Variants in RNF185 observed in about 807,000 individuals in gnomAD.
RNF185 encodes the protein E3 ubiquitin-protein ligase RNF185.
In RNF185, 13 loss-of-function variants were observed where a neutral mutation model predicts 24.9. That is an observed-to-expected ratio of 0.52 (90% CI 0.34 to 0.83). RNF185 has a LOEUF of 0.83. Among genes scored for constraint, RNF185 ranks in the 40% least tolerant of loss-of-function variants. RNF185 has a pLI of 0.01. For missense variants in RNF185, 184 were observed against 244.7 expected (o/e 0.75, Z 1.65); for synonymous variants, 79 against 90.3 (o/e 0.88, Z 0.71).
rs188400777 is a variant in RNF185 at position 31,164,645 on chromosome 22, G to A, written c.-49+4342G>A. Among the ~76,000 whole-genome samples the A allele has an allele frequency of 2.8e-5, 4 of 143,414 alleles. No individual in the cohort carries two copies. The East Asian group carries it at 9.1e-4, about 33-fold the overall frequency. 94.1% of individuals were successfully genotyped at this position (143,414 alleles called of 152,430 possible). A position where few individuals can be genotyped will look rare whatever the true frequency, so the allele number is the denominator to read the frequency against. On this transcript the variant is annotated intron_variant, in intron 1 of 6. Coordinates refer to ENST00000326132, the MANE Select transcript of RNF185 (RefSeq NM_152267.4). ...ACCCTGTCACCCAGGCTGGAATACA[G>A]TGGCATGATCTCAGCTAACTGCAAC...
At chr22:31,199,916 A>G (rs774048316) in intron 5 of RNF185, among the ~76,000 whole-genome samples, 1 of 152,236 alleles carries the variant, frequency 6.6e-6, no homozygotes, top group Non-Finnish European at 1.5e-5. Flanking sequence ...CAAAAAACTC[A>G]TAAATGAAGG....
intron 1 of RNF185, among the ~76,000 whole-genome samples, chr22:31,180,911 CTCTCTGTG>C (rs59516871): frequency 0.034 from 4,245 of 124,366 alleles, 141 homozygotes; most frequent in East Asian, 0.11. Flanking sequence ...TTTTCTCTCT[CTCTCTGTG>C]TGTGTGTGTG....
chr22:31,190,313 G>T (rs1602837898), intron 2 of RNF185, among the ~76,000 whole-genome samples: 1 of 152,076 alleles, frequency 6.6e-6, no homozygotes. Context: ...TTTTTGAGGA[G>T]TCTCACTCTG....
intron 1 of RNF185, among the ~76,000 whole-genome samples, chr22:31,167,164 T>C (rs906362936): frequency 6.6e-6 from 1 of 152,172 alleles, no homozygotes; most frequent in Admixed American, 6.5e-5. Context: ...TTTACTGTTT[T>C]AACTAATTTT....
intron 5 of RNF185, among the ~76,000 whole-genome samples, chr22:31,200,722 G>C (rs1044602333): frequency 6.6e-6 from 1 of 152,346 alleles, no homozygotes; most frequent in East Asian, 1.9e-4. Context: ...TGGCTGCGAA[G>C]TGGGAAGGTG....
At chr22:31,176,678 C>T (rs937416472) in intron 1 of RNF185, among the ~76,000 whole-genome samples, 2 of 151,272 alleles carry the variant, frequency 1.3e-5, no homozygotes, top group East Asian at 2.0e-4. Context: ...TTAGTAGAGA[C>T]GGGGTTTCAC....
chr22:31,179,104 C>CT (rs1389875899), intron 1 of RNF185, among the ~76,000 whole-genome samples: 1 of 152,162 alleles, frequency 6.6e-6, no homozygotes, highest in Non-Finnish European at 1.5e-5. Flanking sequence ...AAAGAATGGT[C>CT]AGGGTAGGGA....
intron 2 of RNF185, among the ~76,000 whole-genome samples, chr22:31,188,543 A>T (rs892573302): frequency 6.6e-6 from 1 of 152,178 alleles, no homozygotes; most frequent in Non-Finnish European, 1.5e-5. Flanking sequence ...TACAGCTATT[A>T]TGGCTGGGCT....
At chr22:31,188,145 G>A (rs2048118290) in intron 2 of RNF185, among the ~76,000 whole-genome samples, 1 of 152,086 alleles carries the variant, frequency 6.6e-6, no homozygotes, top group Non-Finnish European at 1.5e-5. Context: ...GAAAAATAAT[G>A]GTTACAGTAG....
rs1208518303 is a variant in RNF185, at chr22:31,206,029, G to A, written c.*1443G>A. ...GGAGACCCCAAAGCTGGAGGGAGAT[G>A]GGCTTTCCTCTGGGCCTCTCTCCTA... On this transcript the variant is annotated 3_prime_UTR_variant, in exon 7 of 7. Transcript: ENST00000326132. 1.3e-5 allele frequency: 2 copies of A among 154,676 alleles called. No homozygotes were observed. The highest frequency in any genetic ancestry group is 2.4e-5 in the African/African-American group (1 of 41,520). 9.6% of individuals were successfully genotyped at this position (154,676 alleles called of 1,614,324 possible). A position where few individuals can be genotyped will look rare whatever the true frequency, so the allele number is the denominator to read the frequency against.
intron 1 of RNF185, among the ~76,000 whole-genome samples, chr22:31,173,762 T>G (rs2047954999): frequency 1.3e-5 from 2 of 152,166 alleles, no homozygotes; most frequent in Admixed American, 1.3e-4. Flanking sequence ...TTACTTATAG[T>G]GATAAGAAAT....
intron 1 of RNF185, among the ~76,000 whole-genome samples, chr22:31,173,468 G>A (rs2047951908): frequency 6.7e-6 from 1 of 148,492 alleles, no homozygotes. Context: ...GTGCTCCTGA[G>A]GCACCTAGCC....
chr22:31,196,350 A>G (rs1411488725), intron 4 of RNF185, among the ~76,000 whole-genome samples: 1 of 152,188 alleles, frequency 6.6e-6, no homozygotes, highest in African/African-American at 2.4e-5. Context: ...CCTTGAAACC[A>G]TGAACACTTC....
intron 2 of RNF185, among the ~76,000 whole-genome samples, chr22:31,190,100 A>G (rs1329044853): frequency 6.6e-6 from 1 of 152,236 alleles, no homozygotes; most frequent in Non-Finnish European, 1.5e-5. Context: ...AAAGGTATTC[A>G]GCCACAGCGT....
rs535334176 is a variant in RNF185 at position 31,184,146 on chromosome 22, C to T, written c.-48-2901C>T. ...GGGGCAGCTGCCGGGCAGAGACGCT[C>T]CTCACTTCCCGGACGGGGCGGCTGC... On this transcript the variant is annotated intron_variant, in intron 1 of 6. Coordinates refer to ENST00000326132, the MANE Select transcript of RNF185 (RefSeq NM_152267.4). Among the ~76,000 whole-genome samples, 14 of 151,788 alleles carry T rather than the reference C, an allele frequency of 9.2e-5. No individual in the cohort carries two copies. In the East Asian group the frequency reaches 2.3e-3, roughly 25 times the overall value.
chr22:31,200,930 A>T (rs1479627847), intron 5 of RNF185, among the ~76,000 whole-genome samples: 3 of 152,246 alleles, frequency 2.0e-5, no homozygotes, highest in Non-Finnish European at 4.4e-5. Flanking sequence ...CACAGTGTTC[A>T]AACAATTTTG....
At chr22:31,186,620 G>C (rs2048101316) in intron 1 of RNF185, among the ~76,000 whole-genome samples, 2 of 152,096 alleles carry the variant, frequency 1.3e-5, no homozygotes, top group African/African-American at 4.8e-5. Flanking sequence ...ATATATATAT[G>C]TTCTGGCATA....
intron 1 of RNF185, among the ~76,000 whole-genome samples, chr22:31,173,704 A>G (rs2047954488): frequency 2.0e-5 from 3 of 152,224 alleles, no homozygotes; most frequent in South Asian, 4.1e-4. Flanking sequence ...CAGGCCATAA[A>G]GATTAAATGA....
intron 1 of RNF185, among the ~76,000 whole-genome samples, chr22:31,181,652 C>T (rs371243005): frequency 1.3e-5 from 2 of 152,174 alleles, no homozygotes; most frequent in East Asian, 1.9e-4. Context: ...GGCACATATA[C>T]ACCATGGAAT....
Sources: gnomAD v4.1 joint callset for allele counts (sites outside exome capture counted in the v4.1 genomes callset) on GRCh38, gnomAD v4.1.1 for gene constraint, MANE v1.5 for transcripts, NCBI Gene and HGNC (gene_info 2026-07-23, HGNC 2026-07-21) for gene names.